The following NAPA variants were observed in gnomAD, a reference collection of about 807,000 sequenced individuals.
NAPA encodes NSF attachment protein alpha, also known as alpha-soluble NSF attachment protein.
NAPA carries 18 observed loss-of-function variants against 48.0 expected under a neutral mutation model. That is an observed-to-expected ratio of 0.38 (90% CI 0.26 to 0.56). The LOEUF is 0.56. Among genes scored for constraint, NAPA ranks in the 20% least tolerant of loss-of-function variants. The pLI is 0.77. For synonymous variants in NAPA, 152 were observed against 149.9 expected (o/e 1.01, Z -0.10); for missense variants, 315 against 385.0 (o/e 0.82, Z 1.52).
intron 1 of NAPA, among the ~76,000 whole-genome samples, chr19:47,512,243 G>C (rs558756435): frequency 6.6e-6 from 1 of 152,004 alleles, no homozygotes; most frequent in South Asian, 2.1e-4. Flanking sequence ...CTCCCGTCAC[G>C]GTAGATCTCT....
intron 2 of NAPA, among the ~76,000 whole-genome samples, chr19:47,501,129 AAGG>A (rs1008283385): frequency 1.1e-4 from 16 of 152,052 alleles, no homozygotes; most frequent in Admixed American, 6.5e-5. Flanking sequence ...CTAAAGATCC[AAGG>A]AGAAGGCAGA....
chr19:47,492,460 CGGT>C (rs1297330227), intron 7 of NAPA: 1 of 407,820 alleles, frequency 2.5e-6, no homozygotes, highest in East Asian at 5.3e-5. Context: ...CGGCGGCAGG[CGGT>C]GGGAACATGA....
At chr19:47,490,143 GGT>G (rs1055072075) in intron 9 of NAPA, among the ~76,000 whole-genome samples, 8 of 149,368 alleles carry the variant, frequency 5.4e-5, no homozygotes, top group African/African-American at 1.7e-4. Flanking sequence ...TTGCGTGTGT[GGT>G]GTGTTCGGTG....
intron 1 of NAPA, chr19:47,505,378 A>C (rs1447937575): frequency 2.0e-5 from 3 of 152,152 alleles, no homozygotes; most frequent in African/African-American, 7.2e-5. Context: ...GGAGGGGCTC[A>C]AAGGTAATTT....
intron 9 of NAPA, among the ~76,000 whole-genome samples, chr19:47,489,987 C>T (rs1968194857): frequency 6.6e-6 from 1 of 152,062 alleles, no homozygotes; most frequent in South Asian, 2.1e-4. Context: ...ACCTTACCAA[C>T]ATAGAACATC....
intron 3 of NAPA, chr19:47,496,879 T>C (rs918496560): frequency 1.5e-5 from 7 of 455,500 alleles, no homozygotes; most frequent in Non-Finnish European, 2.6e-5. Flanking sequence ...GTAGGTTTTG[T>C]CCAATTCAGA....
rs1433302454 is a variant in NAPA, at chr19:47,492,135, A to G, written c.562-16T>C. 2.5e-6 allele frequency: 4 copies of G among 1,610,124 alleles called. No homozygotes were observed. The highest frequency in any genetic ancestry group is 3.4e-6 in the Non-Finnish European group (4 of 1,176,896). On this transcript the variant is annotated splice_polypyrimidine_tract_variant and intron_variant, in intron 7 of 10. Transcript: ENST00000263354. ...TGGTCCCCACCTGTAGCCATGGAGA[A>G]GTGGCACTGGTGAGCTCAGGGCAAG...
At chr19:47,486,931 G>A (rs548180502), downstream of NAPA, among the ~76,000 whole-genome samples, 48 of 152,274 alleles carry the variant, frequency 3.2e-4, no homozygotes, top group Admixed American at 3.3e-4. Flanking sequence ...TGCAATTACT[G>A]CCCCTGCTCA....
intron 4 of NAPA, among the ~76,000 whole-genome samples, chr19:47,494,438 G>A (rs1436601991): frequency 6.6e-6 from 1 of 152,092 alleles, no homozygotes; most frequent in Admixed American, 6.6e-5. Context: ...AGGGCAAGCG[G>A]AGAGGCAAAA....
At position 47,492,872 on chromosome 19, in the gene NAPA, T is replaced by C. The variant is rs752492803; in HGVS notation, c.561+89A>G. The C allele has an allele frequency of 6.5e-6, 8 of 1,234,612 alleles. No homozygotes were observed. In the Admixed American group the frequency reaches 1.2e-4, roughly 18 times the overall value. 76.5% of individuals were successfully genotyped at this position (1,234,612 alleles called of 1,614,324 possible). On this transcript the variant is annotated intron_variant, in intron 7 of 10. Coordinates refer to ENST00000263354, the MANE Select transcript of NAPA (RefSeq NM_003827.4). ...GGCAGAGGGTGAGCCGGGGGAGGGGTGGTTCCAGAACAAGGTGCCGGGGCT... is the reference window on the plus strand; with the variant it reads ...GGCAGAGGGTGAGCCGGGGGAGGGGCGGTTCCAGAACAAGGTGCCGGGGCT...
chr19:47,514,580 G>A (rs1003509631), intron 1 of NAPA, among the ~76,000 whole-genome samples: 1 of 152,078 alleles, frequency 6.6e-6, no homozygotes, highest in Non-Finnish European at 1.5e-5. Flanking sequence ...CTCGCCTCAA[G>A]ATAGTGTCGC....
rs113403676 is a variant in NAPA at position 47,490,715 on chromosome 19, T to C, written c.735+73A>G. ...AGAACTACTGGACAAGTCTTGGCGA[T>C]TGTCCCACCTGGAGCCCCAGCCACC... On this transcript the variant is annotated intron_variant, in intron 9 of 10. Transcript: ENST00000263354. 967 of 1,297,452 alleles carry C rather than the reference T, an allele frequency of 7.5e-4. 6 individuals are homozygous for C. In the African/African-American group the frequency reaches 0.012, roughly 16 times the overall value. The allele number at this position is 1,297,452 out of a possible 1,614,324, so 80.4% of individuals were successfully genotyped here. A position where few individuals can be genotyped will look rare whatever the true frequency, so the allele number is the denominator to read the frequency against.
chr19:47,500,910 A>AACTCAGGTCTCCTGGCTCCTGC (rs1968561851), intron 2 of NAPA, among the ~76,000 whole-genome samples, 161 bp from the exon 3 acceptor site: 1 of 152,136 alleles, frequency 6.6e-6, no homozygotes, highest in African/African-American at 2.4e-5. Context: ...CGAGGCCTAG[A>AACTCAGGTCTCCTGGCTCCTGC]ACTCAGGTCT....
intron 2 of NAPA, 36 bp downstream of exon 2, chr19:47,503,387 G>A (rs1599912238): frequency 6.3e-7 from 1 of 1,584,914 alleles, no homozygotes. Flanking sequence ...GGGAGGAGGA[G>A]AGCACCTTGG....
chr19:47,489,801 G>A (rs759909257), intron 9 of NAPA, 40 bp from the exon 10 acceptor site: 10 of 1,610,710 alleles, frequency 6.2e-6, no homozygotes, highest in African/African-American at 1.3e-5. Context: ...GGCCTATGCT[G>A]ACCTGAGGTC....
intron 1 of NAPA, among the ~76,000 whole-genome samples, chr19:47,503,726 T>C (rs1968635374): frequency 6.6e-6 from 1 of 152,142 alleles, no homozygotes; most frequent in Non-Finnish European, 1.5e-5. Flanking sequence ...GGGTAGATAC[T>C]GGGTGCTTGC....
intron 1 of NAPA, among the ~76,000 whole-genome samples, chr19:47,504,676 T>A (rs1441829990): frequency 6.6e-6 from 1 of 151,656 alleles, no homozygotes; most frequent in Non-Finnish European, 1.5e-5. Context: ...TATATACACA[T>A]GTGTATATAT....
chr19:47,486,224 G>A (rs1024427556), downstream of NAPA, among the ~76,000 whole-genome samples: 4 of 152,162 alleles, frequency 2.6e-5, no homozygotes, highest in East Asian at 1.9e-4. Context: ...GCGTGGTGGC[G>A]CACGCTTGTA....
chr19:47,492,265 C>CCAGGGACCAGCTTGGAGAGGT, intron 7 of NAPA, 146 bp from the exon 8 acceptor site: 1 of 666,622 alleles, frequency 1.5e-6, no homozygotes, highest in East Asian at 2.7e-5. Context: ...GGGCAGGGAG[C>CCAGGGACCAGCTTGGAGAGGT]CAGGGACCAG....
Sources: allele counts gnomAD v4.1 joint callset (sites outside exome capture counted in the v4.1 genomes callset), GRCh38; gene constraint gnomAD v4.1.1; transcripts MANE v1.5; gene names NCBI Gene and HGNC (gene_info 2026-07-23, HGNC 2026-07-21).